KIAA1958: variants seen among roughly 807,000 people sequenced by gnomAD.
KIAA1958 encodes the protein uncharacterized protein KIAA1958.
A neutral mutation model predicts 47.2 loss-of-function variants in KIAA1958; 14 were observed. The ratio of observed to expected loss-of-function variants is 0.30; its 90% CI spans 0.20 to 0.46. KIAA1958 has a LOEUF of 0.46. Ranked by LOEUF, KIAA1958 falls within the 20% of genes least tolerant of loss-of-function variation. The pLI, the probability that KIAA1958 is intolerant of heterozygous loss-of-function variation, is 1.00. For synonymous variants in KIAA1958, 354 were observed against 353.3 expected (o/e 1.00, Z -0.02); for missense variants, 803 against 909.2 (o/e 0.88, Z 1.50).
chr9:112,531,102 G>A (rs573269132), intron 1 of KIAA1958, among the ~76,000 whole-genome samples: 1 of 152,292 alleles, frequency 6.6e-6, no homozygotes, highest in South Asian at 2.1e-4. Flanking sequence ...TTGTTTAAAA[G>A]GAAATGTCAG....
rs918655831 is a variant in KIAA1958, at chr9:112,639,641, T to C, written c.1172-6009T>C. ...CCAGGCTGCTCCTCCATGGATACTT[T>C]TTTCTCTTGACTCAAGCCCTGTAAC... On this transcript the variant is annotated intron_variant, in intron 2 of 3. Transcript: ENST00000337530. Among the ~76,000 whole-genome samples the C allele has an allele frequency of 1.4e-4, 22 of 152,294 alleles. 1 individual carries two copies. The highest frequency in any genetic ancestry group is 1.2e-3 in the Admixed American group (19 of 15,298).
At position 112,559,290 on chromosome 9, in the gene KIAA1958, A is replaced by C. The variant is rs139619035; in HGVS notation, c.-24-14767A>C. On this transcript the variant is annotated intron_variant, in intron 1 of 3. Transcript: ENST00000337530. The stretch of plus-strand genomic sequence containing the variant: ...ATCCACAGGGGTGAAGGAGAGCCTC[A>C]TCTAGTGAGACTATGAGAAGAAAAC... Among the ~76,000 whole-genome samples, 555 of 152,342 alleles carry C rather than the reference A, an allele frequency of 3.6e-3. 3 individuals carry two copies. Among genetic ancestry groups the C allele is most frequent in the African/African-American group, 0.013 (521 of 41,570 alleles).
chr9:112,610,594 G>GA (rs1836311155), intron 2 of KIAA1958, among the ~76,000 whole-genome samples: 1 of 152,070 alleles, frequency 6.6e-6, no homozygotes, highest in South Asian at 2.1e-4. Context: ...TAAAAGCTTG[G>GA]AAGAAGTAGA....
At chr9:112,617,859 A>T (rs1313213244) in intron 2 of KIAA1958, 4 of 1,500,738 alleles carry the variant, frequency 2.7e-6, no homozygotes, top group African/African-American at 1.4e-5. Context: ...CTCCCCCCCC[A>T]ATTTGTTGCA....
At chr9:112,595,617 G>T (rs1418563348) in intron 2 of KIAA1958, among the ~76,000 whole-genome samples, 1 of 148,776 alleles carries the variant, frequency 6.7e-6, no homozygotes, top group Admixed American at 6.7e-5. Flanking sequence ...GGCAGAGGTT[G>T]CAGTGAGCTG....
intron 2 of KIAA1958, among the ~76,000 whole-genome samples, chr9:112,645,111 G>A (rs1203724020): frequency 6.7e-6 from 1 of 149,818 alleles, no homozygotes; most frequent in Non-Finnish European, 1.5e-5. Context: ...CTCCAGCCTG[G>A]GCGATAAGCG....
At chr9:112,653,915 A>C (rs1380613454) in intron 3 of KIAA1958, among the ~76,000 whole-genome samples, 1 of 152,268 alleles carries the variant, frequency 6.6e-6, no homozygotes, top group African/African-American at 2.4e-5. Flanking sequence ...AGACAAAAGC[A>C]GCAAAAGCAG....
intron 2 of KIAA1958, among the ~76,000 whole-genome samples, chr9:112,599,536 G>T (rs1476281556): frequency 6.6e-6 from 1 of 152,118 alleles, no homozygotes; most frequent in Admixed American, 6.5e-5. Context: ...ACATGTATAG[G>T]TTGTTGAGAT....
At chr9:112,636,389 A>G (rs574895990) in intron 2 of KIAA1958, among the ~76,000 whole-genome samples, 4 of 152,162 alleles carry the variant, frequency 2.6e-5, no homozygotes, top group South Asian at 2.1e-4. Flanking sequence ...TTATGTATCA[A>G]TTAAGTCCAG....
intron 2 of KIAA1958, among the ~76,000 whole-genome samples, chr9:112,631,437 G>C (rs1394636734): frequency 6.7e-6 from 1 of 149,966 alleles, no homozygotes; most frequent in African/African-American, 2.5e-5. Context: ...GAGGCAAGAG[G>C]ATTGTTTGAG....
chr9:112,528,667 C>A (rs549673006), intron 1 of KIAA1958, among the ~76,000 whole-genome samples: 1 of 152,202 alleles, frequency 6.6e-6, no homozygotes, highest in East Asian at 1.9e-4. Flanking sequence ...GGATAGGCAC[C>A]CGTCACCACG....
intron 2 of KIAA1958, among the ~76,000 whole-genome samples, chr9:112,610,813 A>T (rs1228585520): frequency 6.6e-6 from 1 of 152,154 alleles, no homozygotes; most frequent in African/African-American, 2.4e-5. Context: ...AATAGACAAA[A>T]TTTGCTTATG....
rs865981930 is a variant in KIAA1958, at chr9:112,660,796, A to G, written c.*727A>G. 1.1e-4 allele frequency: 16 copies of G among 152,238 alleles called. No homozygotes were observed. The highest frequency in any genetic ancestry group is 3.1e-4 in the African/African-American group (13 of 41,468). The allele number at this position is 152,238 out of a possible 1,614,324, so 9.4% of individuals were successfully genotyped here. A position where few individuals can be genotyped will look rare whatever the true frequency, so the allele number is the denominator to read the frequency against. ...GCTTCTAGTGAACTAGACAGTTTGTACCATGAGGGAATTTCTAGTAGTGAA... is the reference window on the plus strand; with the variant it reads ...GCTTCTAGTGAACTAGACAGTTTGTGCCATGAGGGAATTTCTAGTAGTGAA... On this transcript the variant is annotated 3_prime_UTR_variant, in exon 4 of 4. Transcript: ENST00000337530.
chr9:112,575,237 C>T lies in KIAA1958; in HGVS notation c.1157C>T (p.Ala386Val). ...VAPAITTEAT[A>V]QCIPAYSTKL... ...CCAGCCATAACCACTGAGGCCACAG[C>T]ACAGTGCATACCAGGTATGGCACAT... The change falls in exon 2 of 4, where the codon GCA (alanine) becomes GTA (valine). Residue 386 changes from alanine to valine, a missense_variant. This residue lies in a region of KIAA1958 where 761 missense variants were observed against 829.3 expected (regional missense o/e 0.92). Coordinates refer to ENST00000337530, the MANE Select transcript of KIAA1958 (RefSeq NM_133465.4). 6.4e-7 allele frequency: 1 copy of T among 1,555,916 alleles called. No homozygotes were observed. The highest frequency in any genetic ancestry group is 8.6e-7 in the Non-Finnish European group (1 of 1,158,296).
intron 1 of KIAA1958, among the ~76,000 whole-genome samples, chr9:112,513,675 T>TGCCGCC (rs1384761353): frequency 6.0e-5 from 5 of 83,116 alleles, no homozygotes; most frequent in Admixed American, 1.3e-4. Context: ...TCTCAGTCTT[T>TGCCGCC]GCCGCCGCGC....
intron 1 of KIAA1958, among the ~76,000 whole-genome samples, chr9:112,513,564 G>C (rs71495152): frequency 0.94 from 107,636 of 114,010 alleles, 50,899 homozygotes; most frequent in South Asian, 0.97. Flanking sequence ...TGACGCCCGC[G>C]GGCCCCAGCT....
At chr9:112,631,329 C>T (rs948663841) in intron 2 of KIAA1958, among the ~76,000 whole-genome samples, 1 of 151,950 alleles carries the variant, frequency 6.6e-6, no homozygotes, top group African/African-American at 2.4e-5. Context: ...TCAAGACCAG[C>T]CTAGGCAGGC....
intron 1 of KIAA1958, among the ~76,000 whole-genome samples, chr9:112,559,406 C>A (rs550998926): frequency 6.6e-6 from 1 of 152,272 alleles, no homozygotes; most frequent in Non-Finnish European, 1.5e-5. Context: ...AAGGCAGTAT[C>A]ATGGAAGCTA....
rs915924404 is a variant in KIAA1958 at position 112,660,937 on chromosome 9, T to C, written c.*868T>C. 6.6e-6 allele frequency: 1 copy of C among 152,236 alleles called. No individual in the cohort carries two copies. The highest frequency in any genetic ancestry group is 1.5e-5 in the Non-Finnish European group (1 of 68,038). The allele number at this position is 152,236 out of a possible 1,614,324, so 9.4% of individuals were successfully genotyped here. A position where few individuals can be genotyped will look rare whatever the true frequency, so the allele number is the denominator to read the frequency against. On this transcript the variant is annotated 3_prime_UTR_variant, in exon 4 of 4. Transcript: ENST00000337530. ...AGAGCTCCTTTGATTGGAACATTTT[T>C]TGAGGTTTCTGTCTGTTCTTCGTGT...
Sources: allele counts gnomAD v4.1 joint callset (sites outside exome capture counted in the v4.1 genomes callset), GRCh38; gene constraint gnomAD v4.1.1; regional missense constraint gnomAD v4.1.1; transcripts MANE v1.5; gene names NCBI Gene and HGNC (gene_info 2026-07-23, HGNC 2026-07-21).